Variants in TIPIN observed in about 807,000 individuals in gnomAD.
The protein encoded by TIPIN is TIMELESS interacting protein.
Under a neutral mutation model 35.6 loss-of-function variants are expected in TIPIN, and 29 were observed. The ratio of observed to expected loss-of-function variants is 0.82; its 90% CI spans 0.61 to 1.11. The LOEUF (loss-of-function observed/expected upper bound fraction) is 1.11. Ranked by LOEUF, TIPIN falls within the 50% of genes most tolerant of loss-of-function variation. The probability of loss-of-function intolerance (pLI) is 0.00; values close to 1 mark genes in which losing one functional copy is unlikely to be tolerated. For missense variants in TIPIN, 296 were observed against 345.4 expected (o/e 0.86, Z 1.13); for synonymous variants, 102 against 121.5 (o/e 0.84, Z 1.06).
In TIPIN at chr15:66,384,198, C is replaced by T. The variant is rs535822243; in HGVS notation, c.-9+2409G>A. Among the ~76,000 whole-genome samples the T allele has an allele frequency of 2.4e-4, 36 of 151,700 alleles. No homozygotes were observed. In the East Asian group the frequency reaches 3.1e-3, roughly 13 times the overall value. On this transcript the variant is annotated intron_variant, in intron 1 of 7. Coordinates refer to the TIPIN transcript ENST00000562124. ...TTTTTTAGTAGAGATGGGGTTTCAC[C>T]GTGTTAGCCAGGATGGTCTCGATTT...
In TIPIN at chr15:66,337,181, T is replaced by C; in HGVS notation, c.683A>G (p.Asp228Gly). ...LLSNSQTLGN[D>G]MLMNTPRAHT... ...TGCCCTGGGTGTATTCATTAACATA[T>C]CTGAAAGAAATCATACCATTATTAT... The change falls in exon 8 of 8, where the codon GAT becomes GGT. Residue 228 changes from aspartate to glycine, a missense_variant and splice_region_variant. Coordinates refer to ENST00000261881, the MANE Select transcript of TIPIN (RefSeq NM_017858.3). 1 of 1,611,674 alleles carries C rather than the reference T, an allele frequency of 6.2e-7. No individual in the cohort carries two copies. The highest frequency in any genetic ancestry group is 8.5e-7 in the Non-Finnish European group (1 of 1,178,504).
chr15:66,383,106 T>G (rs2093323848), intron 1 of TIPIN: 1 of 507,120 alleles, frequency 2.0e-6, no homozygotes, highest in South Asian at 8.5e-5. Flanking sequence ...TATTTCAATA[T>G]TAAAAAGAAT....
chr15:66,383,029 T>C, intron 1 of TIPIN: 1 of 984,354 alleles, frequency 1.0e-6, no homozygotes, highest in Non-Finnish European at 1.2e-6. Context: ...TATCTGGGCT[T>C]CTTGGATCAT....
chr15:66,354,441 C>T (rs1377392515), intron 1 of TIPIN, among the ~76,000 whole-genome samples: 2 of 152,226 alleles, frequency 1.3e-5, no homozygotes, highest in African/African-American at 4.8e-5. Context: ...CTCCTTATCT[C>T]TATAACCACT....
chr15:66,376,813 A>G (rs866259802), intron 1 of TIPIN, among the ~76,000 whole-genome samples: 2 of 151,788 alleles, frequency 1.3e-5, no homozygotes, highest in Non-Finnish European at 2.9e-5. Flanking sequence ...AATGCCCTTT[A>G]AAGAGATTGC....
chr15:66,379,823 T>C (rs987545435), intron 1 of TIPIN: 21 of 1,597,366 alleles, frequency 1.3e-5, no homozygotes, highest in Non-Finnish European at 1.7e-5. Context: ...GCAGGGTTCC[T>C]CTGGGGCCAT....
intron 7 of TIPIN, among the ~76,000 whole-genome samples, chr15:66,339,131 C>CAAAAAAAAA (rs35065958): frequency 6.8e-4 from 14 of 20,576 alleles, no homozygotes; most frequent in South Asian, 3.0e-3. Context: ...GACTCCATCT[C>CAAAAAAAAA]AAAAAAAAAA....
intron 1 of TIPIN, among the ~76,000 whole-genome samples, chr15:66,381,921 T>C (rs1310209274): frequency 6.6e-6 from 1 of 152,022 alleles, no homozygotes; most frequent in Non-Finnish European, 1.5e-5. Flanking sequence ...AAAAATTAGC[T>C]GAGCATGGTG....
At chr15:66,366,766 CAA>C (rs36031201) in intron 1 of TIPIN, 9,933 of 660,092 alleles carry the variant, frequency 0.015, no homozygotes, top group Middle Eastern at 0.018. Context: ...GACTCCATCT[CAA>C]AAAAAAAAAA....
chr15:66,339,421 A>G (rs935247051), intron 7 of TIPIN, among the ~76,000 whole-genome samples: 4 of 151,744 alleles, frequency 2.6e-5, no homozygotes, highest in Admixed American at 2.0e-4. Context: ...TATAATTCTT[A>G]TTTTTCCATT....
intron 1 of TIPIN, among the ~76,000 whole-genome samples, chr15:66,377,298 T>A (rs2093300765): frequency 1.3e-5 from 2 of 152,166 alleles, no homozygotes; most frequent in Non-Finnish European, 1.5e-5. Context: ...TATATTGATG[T>A]ATTAATACTT....
At chr15:66,361,346 C>T (rs1045875561), upstream of TIPIN, among the ~76,000 whole-genome samples, 3 of 150,416 alleles carry the variant, frequency 2.0e-5, no homozygotes, top group Non-Finnish European at 4.4e-5. Context: ...AGCTCCGCTT[C>T]CCGGGTTCAC....
At chr15:66,346,471 C>A (rs909322477) in intron 6 of TIPIN, among the ~76,000 whole-genome samples, 1 of 152,150 alleles carries the variant, frequency 6.6e-6, no homozygotes, top group Non-Finnish European at 1.5e-5. Flanking sequence ...TCTCCCTCTA[C>A]CCCCAGGGAC....
Position 66,337,189 on chromosome 15 carries a change from A to T in TIPIN, c.683-8T>A. 2 of 1,607,694 alleles carry T rather than the reference A, an allele frequency of 1.2e-6. No individual in the cohort carries two copies. Among genetic ancestry groups the T allele is most frequent in the Non-Finnish European group, 1.7e-6 (2 of 1,175,390 alleles). On this transcript the variant is annotated splice_region_variant and splice_polypyrimidine_tract_variant and intron_variant, in intron 7 of 7. Transcript: ENST00000261881. ...GTGTATTCATTAACATATCTGAAAG[A>T]AATCATACCATTATTATTCATTATA...
intron 1 of TIPIN, among the ~76,000 whole-genome samples, chr15:66,368,347 T>C (rs1195963541): frequency 6.8e-6 from 1 of 147,248 alleles, no homozygotes; most frequent in African/African-American, 2.5e-5. Context: ...TAGCAAGACC[T>C]CATCTTTACA....
At chr15:66,383,110 A>G in intron 1 of TIPIN, 2 of 482,244 alleles carry the variant, frequency 4.1e-6, no homozygotes, top group Non-Finnish European at 5.4e-6. Flanking sequence ...TCAATATTAA[A>G]AAGAATGCTG....
intron 1 of TIPIN, among the ~76,000 whole-genome samples, chr15:66,355,027 CT>C (rs747834289): frequency 0.089 from 10,000 of 112,624 alleles, 188 homozygotes; most frequent in African/African-American, 0.12. Context: ...CAATATATAT[CT>C]TTTTTTTTTT....
intron 1 of TIPIN, among the ~76,000 whole-genome samples, chr15:66,385,637 C>T (rs931101966): frequency 2.0e-5 from 3 of 151,950 alleles, no homozygotes; most frequent in Non-Finnish European, 4.4e-5. Flanking sequence ...TACAGGCACC[C>T]GCCACCACGC....
chr15:66,378,156 C>A (rs1458110510), intron 1 of TIPIN, among the ~76,000 whole-genome samples: 1 of 152,216 alleles, frequency 6.6e-6, no homozygotes, highest in Non-Finnish European at 1.5e-5. Flanking sequence ...GTGTATGCAA[C>A]CATGTCCGGC....
Sources: allele counts gnomAD v4.1 joint callset (sites outside exome capture counted in the v4.1 genomes callset), GRCh38; gene constraint gnomAD v4.1.1; transcripts MANE v1.5; gene names NCBI Gene and HGNC (gene_info 2026-07-23, HGNC 2026-07-21).